Variants in GLT8D1 observed in about 807,000 individuals in gnomAD.
GLT8D1 encodes the protein glycosyltransferase 8 domain-containing protein 1.
In GLT8D1, 41 loss-of-function variants were observed where a neutral mutation model predicts 46.2. The observed-to-expected ratio is 0.89, with a 90% confidence interval of 0.69 to 1.15. The LOEUF (loss-of-function observed/expected upper bound fraction) is 1.15, where lower values mean the gene tolerates loss of function less well. Among genes scored for constraint, GLT8D1 ranks in the 50% most tolerant of loss-of-function variants. The pLI is 0.00. For synonymous variants in GLT8D1, 150 were observed against 154.2 expected (o/e 0.97, Z 0.20); for missense variants, 408 against 449.3 (o/e 0.91, Z 0.83).
rs763755138 is a variant in GLT8D1, at chr3:52,695,546, A to C, written c.687T>G (p.Ile229Met). 7 of 1,610,600 alleles carry C rather than the reference A, an allele frequency of 4.3e-6. No individual in the cohort carries two copies. Among genetic ancestry groups the C allele is most frequent in the Non-Finnish European group, 5.9e-6 (7 of 1,176,836 alleles). The part of the protein sequence containing the change: ...IGYLDYKKER[I>M]RKLSMKASTC... ...TGCTGGCTTTCATGGAAAGCTTACG[A>C]ATTCTTTCCTTTTTATAGTCAAGAT... Residue 229 changes from isoleucine to methionine, a missense_variant, in exon 8 of 10, where the codon ATT (isoleucine) becomes ATG (methionine). Coordinates refer to ENST00000266014, the MANE Select transcript of GLT8D1 (RefSeq NM_018446.4).
chr3:52,700,152 TAAC>T (rs1561267211), intron 3 of GLT8D1, 107 bp downstream of exon 3: 1 of 699,416 alleles, frequency 1.4e-6, no homozygotes, highest in Non-Finnish European at 2.5e-6. Flanking sequence ...ATCAAACCCT[TAAC>T]AAACAACTGC....
At chr3:52,700,788 C>T in intron 1 of GLT8D1, 1 of 207,008 alleles carries the variant, frequency 4.8e-6, no homozygotes, top group Non-Finnish European at 9.8e-6. Flanking sequence ...TAAGTTTCAG[C>T]CAGGCAGGGT....
At position 52,695,315 on chromosome 3, in the gene GLT8D1, G is replaced by GA; in HGVS notation, c.813-14dup. The GA allele has an allele frequency of 3.1e-6, 5 of 1,598,606 alleles. No homozygotes were observed. The highest frequency in any genetic ancestry group is 4.3e-6 in the Non-Finnish European group (5 of 1,168,084). ...ATACAGTCCCTCTCTTGGTGGGACA[G>GA]AAAACAAATGTTTGTTAGTGAAAAG... On this transcript the variant is annotated splice_polypyrimidine_tract_variant and intron_variant, in intron 8 of 9. Coordinates refer to ENST00000266014, the MANE Select transcript of GLT8D1 (RefSeq NM_018446.4).
chr3:52,701,700 A>G (rs2097339563), intron 1 of GLT8D1, among the ~76,000 whole-genome samples: 1 of 152,190 alleles, frequency 6.6e-6, no homozygotes, highest in Admixed American at 6.5e-5. Flanking sequence ...CTCAAAAACC[A>G]TCTCTGTTAG....
At chr3:52,695,857 G>T in intron 7 of GLT8D1, 71 bp downstream of exon 7, 5 of 890,886 alleles carry the variant, frequency 5.6e-6, no homozygotes, top group Non-Finnish European at 9.2e-6. Flanking sequence ...CAGCAAAAGA[G>T]TTCCCTGAAT....
Position 52,695,543 on chromosome 3 carries a change from A to G in GLT8D1, c.690T>C (p.Arg230=), listed in dbSNP as rs2154100036. 6.2e-7 allele frequency: 1 copy of G among 1,610,178 alleles called. No individual in the cohort carries two copies. The highest frequency in any genetic ancestry group is 1.3e-5 in the African/African-American group (1 of 74,978). ...AAGTGCTGGCTTTCATGGAAAGCTTACGAATTCTTTCCTTTTTATAGTCAA... is the reference window on the plus strand; with the variant it reads ...AAGTGCTGGCTTTCATGGAAAGCTTGCGAATTCTTTCCTTTTTATAGTCAA... ...GYLDYKKERI[R]KLSMKASTCS... The change falls in exon 8 of 10, where the codon CGT becomes CGC. Residue 230 remains arginine, a synonymous_variant. Coordinates refer to ENST00000266014, the MANE Select transcript of GLT8D1 (RefSeq NM_018446.4).
intron 1 of GLT8D1, among the ~76,000 whole-genome samples, chr3:52,702,708 A>G (rs952022252): frequency 6.6e-6 from 1 of 151,952 alleles, no homozygotes; most frequent in Admixed American, 6.6e-5. Context: ...CCAACCCCAT[A>G]TCTAAAAAAA....
chr3:52,702,261 G>A (rs1248383007), intron 1 of GLT8D1, among the ~76,000 whole-genome samples: 1 of 152,234 alleles, frequency 6.6e-6, no homozygotes, highest in African/African-American at 2.4e-5. Flanking sequence ...AAAATTGGGG[G>A]CTGGGCACTG....
chr3:52,704,677 G>A (rs531361243), intron 1 of GLT8D1: 11 of 152,262 alleles, frequency 7.2e-5, no homozygotes, highest in Admixed American at 3.3e-4. Flanking sequence ...TCTCTGCCAC[G>A]TGCAAGGATG....
At chr3:52,698,635 T>A (rs1000707844) in intron 3 of GLT8D1, among the ~76,000 whole-genome samples, 1 of 150,890 alleles carries the variant, frequency 6.6e-6, no homozygotes, top group African/African-American at 2.4e-5. Context: ...GAGCCAAGAC[T>A]GTACCACTGC....
At chr3:52,696,084 A>G (rs758257520) in intron 6 of GLT8D1, 44 bp from the exon 7 acceptor site, 2 of 1,354,030 alleles carry the variant, frequency 1.5e-6, no homozygotes, top group Non-Finnish European at 2.1e-6. Context: ...CGTTGCCTTG[A>G]GAGTTCCCTG....
At chr3:52,699,004 T>C (rs1377452372) in intron 3 of GLT8D1, among the ~76,000 whole-genome samples, 2 of 152,096 alleles carry the variant, frequency 1.3e-5, no homozygotes, top group Non-Finnish European at 2.9e-5. Context: ...TGTTATCCTG[T>C]GGAAACAAAT....
At chr3:52,701,171 A>T (rs973411695) in intron 1 of GLT8D1, 1 of 152,204 alleles carries the variant, frequency 6.6e-6, no homozygotes, top group Non-Finnish European at 1.5e-5. Context: ...TAGCCTCATC[A>T]GTAAAAACAT....
At chr3:52,702,318 G>A (rs1180601096) in intron 1 of GLT8D1, among the ~76,000 whole-genome samples, 1 of 152,160 alleles carries the variant, frequency 6.6e-6, no homozygotes, top group Non-Finnish European at 1.5e-5. Flanking sequence ...GGCTAACGCG[G>A]GCAGATCACC....
At chr3:52,701,298 A>G (rs2097339146) in intron 1 of GLT8D1, 1 of 151,510 alleles carries the variant, frequency 6.6e-6, no homozygotes, top group African/African-American at 2.4e-5. Flanking sequence ...AATTCACAAA[A>G]TCCAATCGAT....
chr3:52,694,587 C>CAT lies in GLT8D1; in HGVS notation c.*256_*257dup. On this transcript the variant is annotated 3_prime_UTR_variant, in exon 10 of 10. Transcript: ENST00000266014. ...ATCTGTACCAGCTAGCTGAACTAGC[C>CAT]ATATCAGTTCTTCTTTCCAGTCATT... is the stretch of plus-strand genomic sequence containing the variant. 3.3e-6 allele frequency: 2 copies of CAT among 597,292 alleles called. No individual in the cohort carries two copies. The highest frequency in any genetic ancestry group is 4.0e-5 in the South Asian group (2 of 49,682). 37.0% of individuals were successfully genotyped at this position (597,292 alleles called of 1,614,324 possible). A position where few individuals can be genotyped will look rare whatever the true frequency, so the allele number is the denominator to read the frequency against.
chr3:52,695,484 A>G lies in GLT8D1; in HGVS notation c.749T>C (p.Leu250Pro). 2 of 1,613,652 alleles carry G rather than the reference A, an allele frequency of 1.2e-6. No homozygotes were observed. The highest frequency in any genetic ancestry group is 1.7e-6 in the Non-Finnish European group (2 of 1,179,548). The change falls in exon 8 of 10, where the codon CTG becomes CCG. Residue 250 changes from leucine to proline, a missense_variant. Leu to Pro is a moderately conservative substitution (Grantham distance 98). Transcript: ENST00000266014. ...TATATTCTGTCGTTTCCATTCCGTC[A>G]GGTTTGCAACAAAAACTCCAGGATT... ...SFNPGVFVAN[L>P]TEWKRQNITN...
At position 52,696,620 on chromosome 3, in the gene GLT8D1, G is replaced by T. The variant is rs1428627118; in HGVS notation, c.369C>A (p.Tyr123Ter). The T allele has an allele frequency of 1.9e-6, 3 of 1,609,392 alleles. No homozygotes were observed. Among genetic ancestry groups the T allele is most frequent in the Non-Finnish European group, 2.6e-6 (3 of 1,175,844 alleles). The change falls in exon 5 of 10, where the codon TAC becomes TAA. Residue 123 changes from tyrosine to a stop codon, truncating the protein, a stop_gained. Transcript: ENST00000266014. LOFTEE classifies it high-confidence loss of function. ...LNSDSLKSIR[Y>*]KIVNFDPKLL... is the part of the protein sequence containing the mutation. Reference sequence around the variant, plus strand: ...GTTTAGGGTCAAAATTGACAATTTTGTATCTGATGCTTTTCAGGGAATCAC... The same window carrying T: ...GTTTAGGGTCAAAATTGACAATTTTTTATCTGATGCTTTTCAGGGAATCAC...
intron 4 of GLT8D1, 138 bp downstream of exon 4, chr3:52,697,583 G>A (rs1370822700): frequency 4.4e-6 from 3 of 689,570 alleles, no homozygotes; most frequent in East Asian, 2.5e-5. Context: ...AAAAAAATAT[G>A]TCATTTGTAC....
Sources: allele counts gnomAD v4.1 joint callset (sites outside exome capture counted in the v4.1 genomes callset), GRCh38; gene constraint gnomAD v4.1.1; transcripts MANE v1.5; gene names NCBI Gene and HGNC (gene_info 2026-07-23, HGNC 2026-07-21).